The following ACVR2A variants were observed in gnomAD, a reference collection of about 807,000 sequenced individuals.
ACVR2A encodes activin receptor type-2A.
ACVR2A carries 7 observed loss-of-function variants against 61.4 expected under a neutral mutation model. That is an observed-to-expected ratio of 0.11 (90% CI 0.06 to 0.21). ACVR2A has a LOEUF of 0.21. Ranked by LOEUF, ACVR2A falls within the 10% of genes least tolerant of loss-of-function variation. The probability of loss-of-function intolerance (pLI) is 1.00; values close to 1 mark genes in which losing one functional copy is unlikely to be tolerated. For synonymous variants in ACVR2A, 193 were observed against 208.3 expected (o/e 0.93, Z 0.63); for missense variants, 322 against 621.7 (o/e 0.52, Z 5.13).
At chr2:147,915,565 C>A (rs1687229057) in intron 5 of ACVR2A, among the ~76,000 whole-genome samples, 1 of 151,838 alleles carries the variant, frequency 6.6e-6, no homozygotes, top group Admixed American at 6.6e-5. Flanking sequence ...CATAGTAGAT[C>A]TTTTGCCAGT....
intron 1 of ACVR2A, among the ~76,000 whole-genome samples, chr2:147,854,804 C>T (rs1054755149): frequency 7.9e-5 from 12 of 152,116 alleles, no homozygotes; most frequent in African/African-American, 1.4e-4. Context: ...CATACGTGCT[C>T]GGACAGAAAC....
chr2:147,913,833 A>AT (rs1335487215), intron 4 of ACVR2A, among the ~76,000 whole-genome samples: 2 of 149,942 alleles, frequency 1.3e-5, no homozygotes, highest in African/African-American at 4.9e-5. Context: ...AAAAAAAAAA[A>AT]AAAAAAAAAA....
At chr2:147,888,536 A>C (rs1686497786) in intron 1 of ACVR2A, among the ~76,000 whole-genome samples, 1 of 152,162 alleles carries the variant, frequency 6.6e-6, no homozygotes. Flanking sequence ...TCTTCAGAGC[A>C]ACCGTAACTG....
chr2:147,851,250 C>A (rs561680144), intron 1 of ACVR2A, among the ~76,000 whole-genome samples: 2 of 152,128 alleles, frequency 1.3e-5, no homozygotes, highest in Non-Finnish European at 2.9e-5. Context: ...TCGTTTGGTT[C>A]CTGCCTATTT....
intron 4 of ACVR2A, among the ~76,000 whole-genome samples, chr2:147,904,663 G>GT (rs1342153641): frequency 4.0e-5 from 6 of 151,816 alleles, no homozygotes; most frequent in Non-Finnish European, 8.8e-5. Flanking sequence ...GTGATAATAG[G>GT]TTGTCATTTC....
chr2:147,869,984 G>C (rs1008459659), intron 1 of ACVR2A, among the ~76,000 whole-genome samples: 6 of 151,724 alleles, frequency 4.0e-5, no homozygotes, highest in African/African-American at 1.2e-4. Flanking sequence ...TATTTATGTA[G>C]GTCCTTGAAT....
intron 1 of ACVR2A, among the ~76,000 whole-genome samples, chr2:147,893,383 G>A (rs941503433): frequency 3.9e-5 from 6 of 152,136 alleles, no homozygotes; most frequent in Non-Finnish European, 5.9e-5. Context: ...TTTATCTCAC[G>A]TAGATACCTA....
chr2:147,849,185 A>C (rs1685390475), intron 1 of ACVR2A, among the ~76,000 whole-genome samples: 1 of 152,192 alleles, frequency 6.6e-6, no homozygotes, highest in Non-Finnish European at 1.5e-5. Context: ...GTTCCTGGAC[A>C]TAATGAATGA....
chr2:147,896,622 A>G (rs1686739301), intron 2 of ACVR2A, 114 bp downstream of exon 2: 2 of 957,620 alleles, frequency 2.1e-6, no homozygotes, highest in African/African-American at 1.7e-5. Flanking sequence ...CTTGCTTTTT[A>G]AAAAATGGGA....
intron 1 of ACVR2A, among the ~76,000 whole-genome samples, chr2:147,866,403 G>A (rs1685856116): frequency 6.6e-6 from 1 of 152,194 alleles, no homozygotes; most frequent in African/African-American, 2.4e-5. Flanking sequence ...TGGGGCCTGA[G>A]GTTCCGCATT....
chr2:147,903,767 C>A (rs1450357860), intron 4 of ACVR2A, among the ~76,000 whole-genome samples: 1 of 151,878 alleles, frequency 6.6e-6, no homozygotes, highest in Non-Finnish European at 1.5e-5. Flanking sequence ...ATATAAATAA[C>A]CCCAGTTGAG....
intron 1 of ACVR2A, among the ~76,000 whole-genome samples, chr2:147,893,158 C>T (rs370012456): frequency 1.3e-5 from 2 of 152,102 alleles, no homozygotes; most frequent in African/African-American, 4.8e-5. Context: ...TGGAATCATA[C>T]GGGACAGCCT....
At chr2:147,878,920 T>C (rs199732947) in intron 1 of ACVR2A, among the ~76,000 whole-genome samples, 6 of 150,552 alleles carry the variant, frequency 4.0e-5, no homozygotes, top group Admixed American at 3.3e-4. Context: ...AAAAAAAAAA[T>C]CTTTTTTTGG....
chr2:147,923,206 GTTTT>G, intron 9 of ACVR2A, 95 bp downstream of exon 9: 1 of 1,346,556 alleles, frequency 7.4e-7, no homozygotes. Context: ...TTAAAGTACA[GTTTT>G]TTTTTAATTG....
At chr2:147,890,289 C>G (rs1686549480) in intron 1 of ACVR2A, among the ~76,000 whole-genome samples, 1 of 151,322 alleles carries the variant, frequency 6.6e-6, no homozygotes, top group Admixed American at 6.6e-5. Context: ...TATGTCAGTT[C>G]ATGCTATTTT....
rs576650289 is a variant in ACVR2A, at chr2:147,908,039, AAAAAAAAAAAAAAAAG to A, written c.529-7143_529-7128del. 4.2e-3 allele frequency among the ~76,000 whole-genome samples: 514 copies of A among 123,496 alleles called. 1 individual carries two copies. Among genetic ancestry groups the A allele is most frequent in the East Asian group, 8.9e-3 (41 of 4,620 alleles). The allele number at this position is 123,496 out of a possible 152,430, so 81.0% of individuals were successfully genotyped here. On this transcript the variant is annotated intron_variant, in intron 4 of 10. Coordinates refer to ENST00000241416, the MANE Select transcript of ACVR2A (RefSeq NM_001616.5). ...GGGTGACAGAGCAAGACTCTGTTTCAAAAAAAAAAAAAAAAGAAAAAAAAGAAAAAAAAAGCAAAGT... is the reference window on the plus strand; with the variant it reads ...GGGTGACAGAGCAAGACTCTGTTTCAAAAAAAAAGAAAAAAAAAGCAAAGT...
intron 5 of ACVR2A, 62 bp downstream of exon 5, chr2:147,915,396 A>C: frequency 6.3e-7 from 1 of 1,591,152 alleles, no homozygotes; most frequent in Non-Finnish European, 8.6e-7. Context: ...ATCATAACTC[A>C]GAAATAGTCT....
chr2:147,866,894 A>C (rs959190858), intron 1 of ACVR2A, among the ~76,000 whole-genome samples: 3 of 152,222 alleles, frequency 2.0e-5, no homozygotes, highest in African/African-American at 7.2e-5. Context: ...CATGAAATCA[A>C]CTAGGCAGAA....
intron 4 of ACVR2A, among the ~76,000 whole-genome samples, chr2:147,908,331 T>G (rs1687039244): frequency 6.6e-6 from 1 of 152,160 alleles, no homozygotes; most frequent in African/African-American, 2.4e-5. Context: ...ACCTACGTTT[T>G]TTTCAGACTT....
Sources: gnomAD v4.1 joint callset for allele counts (sites outside exome capture counted in the v4.1 genomes callset) on GRCh38, gnomAD v4.1.1 for gene constraint, MANE v1.5 for transcripts, NCBI Gene and HGNC (gene_info 2026-07-23, HGNC 2026-07-21) for gene names.